Variants in MYO9A observed in about 807,000 individuals in gnomAD.
MYO9A encodes the protein unconventional myosin-IXa.
Under a neutral mutation model 293.3 loss-of-function variants are expected in MYO9A, and 103 were observed. The observed-to-expected ratio is 0.35, with a 90% confidence interval of 0.30 to 0.41. The LOEUF is 0.41. Ranked by LOEUF, MYO9A falls within the 10% of genes least tolerant of loss-of-function variation. The probability of loss-of-function intolerance (pLI) is 1.00; values close to 1 mark genes in which losing one functional copy is unlikely to be tolerated. For missense variants in MYO9A, 2,685 were observed against 3,033.0 expected (o/e 0.89, Z 2.69); for synonymous variants, 1,001 against 1,035.7 (o/e 0.97, Z 0.64).
At chr15:72,037,738 T>C (rs2078100313) in intron 2 of MYO9A, among the ~76,000 whole-genome samples, 2 of 152,112 alleles carry the variant, frequency 1.3e-5, no homozygotes, top group South Asian at 4.1e-4. Context: ...GAAAATCTCA[T>C]TTTGAGGTGC....
At chr15:72,110,881 C>A (rs1200600426) in intron 1 of MYO9A, among the ~76,000 whole-genome samples, 1 of 152,108 alleles carries the variant, frequency 6.6e-6, no homozygotes, top group Non-Finnish European at 1.5e-5. Context: ...TGATTTCGGC[C>A]GGGCATGGTG....
chr15:71,863,935 T>C (rs1303905770), intron 32 of MYO9A, among the ~76,000 whole-genome samples: 3 of 152,200 alleles, frequency 2.0e-5, no homozygotes, highest in Non-Finnish European at 1.5e-5. Flanking sequence ...CCATAACCAA[T>C]GAACCCTTCC....
At chr15:72,106,770 T>A (rs1055839097) in intron 1 of MYO9A, among the ~76,000 whole-genome samples, 3 of 152,032 alleles carry the variant, frequency 2.0e-5, no homozygotes, top group Admixed American at 2.0e-4. Context: ...CCAGCCAAAT[T>A]AAGTCTAAAA....
At position 72,046,327 on chromosome 15, in the gene MYO9A, T is replaced by A. The variant is rs2078384130; in HGVS notation, c.237A>T (p.Thr79=). The change falls in exon 2 of 42, where the codon ACA becomes ACT. Residue 79 remains threonine, a synonymous_variant. Coordinates refer to ENST00000356056, the MANE Select transcript of MYO9A (RefSeq NM_006901.4). ...FGGEEWILNP[T]DCPVQRMMLW... is the part of the protein sequence containing the mutation. ...GCATCATTCGCTGAACTGGACAATC[T>A]GTTGGATTGAGAATCCATTCTTCTC... 1 of 1,614,066 alleles carries A rather than the reference T, an allele frequency of 6.2e-7. No homozygotes were observed. Among genetic ancestry groups the A allele is most frequent in the Admixed American group, 1.7e-5 (1 of 60,022 alleles).
At chr15:72,009,382 G>A (rs1300209803) in intron 7 of MYO9A, among the ~76,000 whole-genome samples, 1 of 152,026 alleles carries the variant, frequency 6.6e-6, no homozygotes, top group Non-Finnish European at 1.5e-5. Flanking sequence ...AACAGGAGAG[G>A]TGATTTTCTC....
intron 2 of MYO9A, among the ~76,000 whole-genome samples, chr15:72,040,580 C>T (rs2078197778): frequency 6.6e-6 from 1 of 152,158 alleles, no homozygotes; most frequent in Admixed American, 6.5e-5. Context: ...CTTTCCTGGT[C>T]GTGTGACAAG....
At chr15:71,891,253 GCAGTGACC>G (rs1356300973) in intron 26 of MYO9A, 2 of 152,206 alleles carry the variant, frequency 1.3e-5, no homozygotes, top group Non-Finnish European at 2.9e-5. Context: ...CTACTGGCAT[GCAGTGACC>G]GTCAAGCAGG....
intron 13 of MYO9A, among the ~76,000 whole-genome samples, chr15:71,963,965 C>A (rs1055648550): frequency 6.6e-6 from 1 of 152,096 alleles, no homozygotes; most frequent in Non-Finnish European, 1.5e-5. Context: ...AATTATTTAG[C>A]CAACAGAATT....
chr15:71,993,499 T>A (rs1296607234), intron 10 of MYO9A, among the ~76,000 whole-genome samples: 2 of 152,140 alleles, frequency 1.3e-5, no homozygotes, highest in Non-Finnish European at 2.9e-5. Context: ...CTTTTATCTA[T>A]CATTAAAAAT....
At position 72,085,914 on chromosome 15, in the gene MYO9A, C is replaced by T. The variant is rs2079706574; in HGVS notation, c.-72+31766G>A. Among the ~76,000 whole-genome samples the T allele has an allele frequency of 3.9e-5, 6 of 152,300 alleles. No homozygotes were observed. In the South Asian group the frequency reaches 1.0e-3, roughly 26 times the overall value. Reference sequence around the variant, plus strand: ...GATTTTAGGTGGCCAAGGTTCAGCTCCTAACTCCCAGATTACATGCTCTAA... The same window carrying T: ...GATTTTAGGTGGCCAAGGTTCAGCTTCTAACTCCCAGATTACATGCTCTAA... On this transcript the variant is annotated intron_variant, in intron 1 of 41. Coordinates refer to ENST00000356056, the MANE Select transcript of MYO9A (RefSeq NM_006901.4).
chr15:71,830,038 T>A, intron 40 of MYO9A, 71 bp downstream of exon 40: 1 of 1,462,430 alleles, frequency 6.8e-7, no homozygotes, highest in Non-Finnish European at 9.5e-7. Context: ...TAAGAAAAAA[T>A]AAAGAAACGA....
chr15:72,058,613 T>A (rs1291347939), intron 1 of MYO9A, among the ~76,000 whole-genome samples: 1 of 152,188 alleles, frequency 6.6e-6, no homozygotes, highest in Admixed American at 6.5e-5. Flanking sequence ...AATCAGACAA[T>A]GCTGTATCTT....
intron 32 of MYO9A, among the ~76,000 whole-genome samples, chr15:71,872,599 A>G (rs769512536): frequency 7.2e-5 from 11 of 152,178 alleles, no homozygotes; most frequent in Admixed American, 3.3e-4. Flanking sequence ...TGTAAAATAT[A>G]TATCAATTTA....
At chr15:71,828,495 C>T (rs950042796) in intron 40 of MYO9A, among the ~76,000 whole-genome samples, 13 of 152,172 alleles carry the variant, frequency 8.5e-5, no homozygotes, top group East Asian at 7.7e-4. Context: ...TGGCTATAGA[C>T]GATACCCTCT....
chr15:72,104,483 T>C, intron 1 of MYO9A, among the ~76,000 whole-genome samples: 1 of 152,192 alleles, frequency 6.6e-6, no homozygotes, highest in East Asian at 1.9e-4. Context: ...CTAGTGTGCA[T>C]TTTTTAAAAG....
intron 1 of MYO9A, among the ~76,000 whole-genome samples, chr15:72,111,279 C>G (rs548683090): frequency 5.3e-5 from 8 of 151,974 alleles, no homozygotes; most frequent in Admixed American, 3.3e-4. Context: ...CGCTTGAGGT[C>G]AGGAGTTCAA....
intron 8 of MYO9A, among the ~76,000 whole-genome samples, chr15:72,003,794 C>T (rs1207877271): frequency 6.6e-6 from 1 of 151,422 alleles, no homozygotes; most frequent in African/African-American, 2.4e-5. Context: ...ATCCAAATAA[C>T]TCAAGCCAGA....
chr15:71,900,428 T>G (rs1404976060), intron 23 of MYO9A, among the ~76,000 whole-genome samples: 1 of 151,846 alleles, frequency 6.6e-6, no homozygotes, highest in East Asian at 1.9e-4. Context: ...AGAGTGAGAC[T>G]CTGTCTCAAA....
chr15:71,847,609 T>C (rs933853701), intron 39 of MYO9A: 8 of 312,590 alleles, frequency 2.6e-5, no homozygotes, highest in Non-Finnish European at 5.8e-5. Context: ...CTTATCTATC[T>C]GCTTTGAAAA....
Sources: allele counts gnomAD v4.1 joint callset (sites outside exome capture counted in the v4.1 genomes callset), GRCh38; gene constraint gnomAD v4.1.1; transcripts MANE v1.5; gene names NCBI Gene and HGNC (gene_info 2026-07-23, HGNC 2026-07-21).